Variants in DSCAML1 observed in about 807,000 individuals in gnomAD.
DSCAML1 encodes cell adhesion molecule DSCAML1.
A neutral mutation model predicts 200.5 loss-of-function variants in DSCAML1; 38 were observed. The ratio of observed to expected loss-of-function variants is 0.19; its 90% confidence interval spans 0.15 to 0.25. DSCAML1 has a LOEUF of 0.25. DSCAML1 is among the 10% of genes least tolerant of loss of function. The pLI, the probability that DSCAML1 is intolerant of heterozygous loss-of-function variation, is 1.00. For synonymous variants in DSCAML1, 1,215 were observed against 1,165.0 expected, an observed-to-expected ratio of 1.04 and a Z score of -0.87; for missense variants, 2,223 against 2,858.8, an observed-to-expected ratio of 0.78 and a Z score of 5.07.
intron 3 of DSCAML1, among the ~76,000 whole-genome samples, chr11:117,641,455 C>T (rs1310879000): frequency 6.6e-6 from 1 of 152,212 alleles, no homozygotes; most frequent in African/African-American, 2.4e-5. Flanking sequence ...TCACACCCAG[C>T]CCCACCGAAC....
intron 8 of DSCAML1, among the ~76,000 whole-genome samples, chr11:117,512,609 T>G (rs1327242546): frequency 1.4e-5 from 2 of 147,750 alleles, no homozygotes; most frequent in African/African-American, 2.5e-5. Flanking sequence ...ACCCTGAGGG[T>G]GGGGAAGGGG....
chr11:117,699,352 G>C (rs1236537968), intron 3 of DSCAML1, among the ~76,000 whole-genome samples: 2 of 152,194 alleles, frequency 1.3e-5, no homozygotes, highest in Non-Finnish European at 2.9e-5. Context: ...AATGTGAAGA[G>C]GAGTTAGGTC....
At chr11:117,810,758 A>C (rs2055754247) in intron 1 of DSCAML1, among the ~76,000 whole-genome samples, 1 of 152,162 alleles carries the variant, frequency 6.6e-6, no homozygotes, top group Admixed American at 6.5e-5. Context: ...GAGCTAAATA[A>C]TTCTTGTCGT....
At chr11:117,603,499 C>T (rs1183712002) in intron 3 of DSCAML1, among the ~76,000 whole-genome samples, 1 of 152,194 alleles carries the variant, frequency 6.6e-6, no homozygotes, top group Non-Finnish European at 1.5e-5. Flanking sequence ...AGTGAACTAC[C>T]TATGCCAAAG....
At chr11:117,698,221 C>A (rs533413702) in intron 3 of DSCAML1, among the ~76,000 whole-genome samples, 57 of 152,228 alleles carry the variant, frequency 3.7e-4, no homozygotes, top group Admixed American at 3.5e-3. Context: ...TGGAAACTGA[C>A]CCTGTGTTCA....
chr11:117,592,875 G>C (rs1047898889), intron 3 of DSCAML1, among the ~76,000 whole-genome samples: 2 of 152,230 alleles, frequency 1.3e-5, no homozygotes, highest in African/African-American at 2.4e-5. Context: ...CGCTGCCCCA[G>C]TGGGGCTCAG....
chr11:117,592,071 C>G (rs1565812420), intron 3 of DSCAML1, among the ~76,000 whole-genome samples: 1 of 152,150 alleles, frequency 6.6e-6, no homozygotes, highest in South Asian at 2.1e-4. Flanking sequence ...GGGTGAGGAG[C>G]AGGAGAATCC....
chr11:117,644,156 G>C (rs1422648605), intron 3 of DSCAML1, among the ~76,000 whole-genome samples: 1 of 152,190 alleles, frequency 6.6e-6, no homozygotes, highest in Non-Finnish European at 1.5e-5. Context: ...CCTTGACTCG[G>C]GCGCTTCCTC....
At chr11:117,598,904 T>C (rs896497229) in intron 3 of DSCAML1, among the ~76,000 whole-genome samples, 1 of 152,188 alleles carries the variant, frequency 6.6e-6, no homozygotes, top group Non-Finnish European at 1.5e-5. Context: ...GTATATTTTT[T>C]TGGGGTTGAT....
Position 117,762,233 on chromosome 11 carries a change from T to C in DSCAML1, c.511+14558A>G, listed in dbSNP as rs572186367. 7.2e-5 allele frequency among the ~76,000 whole-genome samples: 11 copies of C among 152,284 alleles called. No homozygotes were observed. The South Asian group carries it at 2.1e-3, about 29-fold the overall frequency. Reference sequence around the variant, plus strand: ...AGTTCATAAAGCAGACATGGAGTGATTGTTTTATTTATCTCGTTCTGGTCT... The same window carrying C: ...AGTTCATAAAGCAGACATGGAGTGACTGTTTTATTTATCTCGTTCTGGTCT... On this transcript the variant is annotated intron_variant, in intron 3 of 32. Transcript: ENST00000651296.
chr11:117,573,493 C>T (rs1207384576), intron 3 of DSCAML1, among the ~76,000 whole-genome samples: 1 of 152,214 alleles, frequency 6.6e-6, no homozygotes, highest in Non-Finnish European at 1.5e-5. Context: ...CCGGTGGTAC[C>T]TCGGGTGCTC....
chr11:117,706,236 TCTGC>T (rs1178710699), intron 3 of DSCAML1, among the ~76,000 whole-genome samples: 1 of 152,232 alleles, frequency 6.6e-6, no homozygotes, highest in Non-Finnish European at 1.5e-5. Context: ...ATGAGCTGTG[TCTGC>T]TAGTGCAAGG....
chr11:117,577,504 TCC>T, intron 3 of DSCAML1, among the ~76,000 whole-genome samples: 1 of 25,998 alleles, frequency 3.8e-5, no homozygotes, highest in South Asian at 1.1e-3. Context: ...CTTCCTTCCT[TCC>T]CTCCTTCCTT....
Position 117,632,049 on chromosome 11 carries a change from T to C in DSCAML1, c.512-99527A>G, listed in dbSNP as rs183282925. ...GGCCCAGCCCTCTCCCCAGTGGCCATATAGCCTAATGGTTAGGAACTCTGC... is the reference window on the plus strand; with the variant it reads ...GGCCCAGCCCTCTCCCCAGTGGCCACATAGCCTAATGGTTAGGAACTCTGC... On this transcript the variant is annotated intron_variant, in intron 3 of 32. Transcript: ENST00000651296. Among the ~76,000 whole-genome samples, 8 of 152,252 alleles carry C rather than the reference T, an allele frequency of 5.3e-5. No homozygotes were observed. In the East Asian group the frequency reaches 1.4e-3, roughly 26 times the overall value.
At chr11:117,479,369 G>A (rs960234063) in intron 14 of DSCAML1, among the ~76,000 whole-genome samples, 2 of 152,216 alleles carry the variant, frequency 1.3e-5, no homozygotes, top group African/African-American at 4.8e-5. Context: ...AGTTTAATTT[G>A]TAATTATTTT....
intron 11 of DSCAML1, among the ~76,000 whole-genome samples, chr11:117,484,911 GTGTGTGTGTGTGT>G (rs2049010661): frequency 1.3e-5 from 2 of 150,108 alleles, no homozygotes; most frequent in African/African-American, 4.9e-5. Flanking sequence ...GTGTGTGTGT[GTGTGTGTGTGTGT>G]GTGTGTGTGT....
intron 1 of DSCAML1, among the ~76,000 whole-genome samples, chr11:117,813,469 A>C (rs2055777288): frequency 6.6e-6 from 1 of 152,168 alleles, no homozygotes; most frequent in African/African-American, 2.4e-5. Context: ...CTATCTCCAA[A>C]TTGCCACTCT....
At chr11:117,583,641 C>T (rs773277989) in intron 3 of DSCAML1, among the ~76,000 whole-genome samples, 52 of 152,206 alleles carry the variant, frequency 3.4e-4, no homozygotes, top group Non-Finnish European at 6.3e-4. Context: ...CCATCAGCCC[C>T]GGAGCCCTTG....
chr11:117,625,042 A>G (rs2052015386), intron 3 of DSCAML1, among the ~76,000 whole-genome samples: 1 of 152,090 alleles, frequency 6.6e-6, no homozygotes, highest in South Asian at 2.1e-4. Flanking sequence ...TGGATGGTTT[A>G]AGAGACCCCC....
Sources: gnomAD v4.1 joint callset for allele counts (sites outside exome capture counted in the v4.1 genomes callset) on GRCh38, gnomAD v4.1.1 for gene constraint, MANE v1.5 for transcripts, NCBI Gene and HGNC (gene_info 2026-07-23, HGNC 2026-07-21) for gene names.